ANKHD1: variants seen among roughly 807,000 people sequenced by gnomAD.
The protein encoded by ANKHD1 is ankyrin repeat and KH domain containing 1, also known as ankyrin repeat and KH domain-containing protein 1.
Under a neutral mutation model 230.5 loss-of-function variants are expected in ANKHD1, and 31 were observed. That is an observed-to-expected ratio of 0.13 (90% confidence interval 0.10 to 0.18). ANKHD1 has a LOEUF of 0.18. Among genes scored for constraint, ANKHD1 ranks in the 10% least tolerant of loss-of-function variants. ANKHD1 has a pLI of 1.00. For missense variants in ANKHD1, 2,256 were observed against 3,071.3 expected (o/e 0.73, Z 6.27); for synonymous variants, 1,074 against 1,117.6 (o/e 0.96, Z 0.78).
intron 1 of ANKHD1, among the ~76,000 whole-genome samples, chr5:140,415,272 A>G (rs1477494615): frequency 2.6e-5 from 4 of 151,354 alleles, no homozygotes; most frequent in Admixed American, 1.3e-4. Flanking sequence ...AATCCCAGCT[A>G]CTCAGGAGGC....
intron 1 of ANKHD1, among the ~76,000 whole-genome samples, chr5:140,430,845 C>T (rs772501925): frequency 9.9e-5 from 15 of 151,684 alleles, no homozygotes; most frequent in Admixed American, 2.6e-4. Context: ...AATTATTTTT[C>T]GTAGAGACAA....
chr5:140,402,140 G>A lies in ANKHD1; in HGVS notation c.173G>A (p.Ser58Asn). The A allele has an allele frequency of 6.5e-7, 1 of 1,543,654 alleles. No homozygotes were observed. The highest frequency in any genetic ancestry group is 1.2e-5 in the South Asian group (1 of 82,926). ...GEAGPASGVG[S>N]SGGGGSGSGT... ...GCCGGGCCAGCGTCGGGAGTCGGCA[G>A]CAGCGGCGGCGGCGGCAGCGGCAGC... Residue 58 changes from serine (S) to asparagine (N), a missense_variant, in exon 1 of 34, where the codon AGC becomes AAC. Around this residue, in one of 13 missense-constraint regions of ANKHD1, gnomAD observed 193 missense variants for 185.8 expected, o/e 1.04. Transcript: ENST00000360839.
chr5:140,448,888 T>C (rs1046558518), intron 6 of ANKHD1, among the ~76,000 whole-genome samples: 1 of 152,218 alleles, frequency 6.6e-6, no homozygotes, highest in Non-Finnish European at 1.5e-5. Context: ...GATACTTTAC[T>C]TGGCTTTCTA....
At chr5:140,525,432 T>C (rs1753558127) in intron 25 of ANKHD1, among the ~76,000 whole-genome samples, 1 of 152,044 alleles carries the variant, frequency 6.6e-6, no homozygotes, top group Admixed American at 6.5e-5. Context: ...CCAGCTAATT[T>C]TTGTATTTTT....
At chr5:140,477,513 T>C (rs1162847814) in intron 10 of ANKHD1, among the ~76,000 whole-genome samples, 1 of 152,248 alleles carries the variant, frequency 6.6e-6, no homozygotes, top group Non-Finnish European at 1.5e-5. Flanking sequence ...TCCTGAATCT[T>C]CATCACATGG....
intron 32 of ANKHD1, 21 bp downstream of exon 32, chr5:140,538,282 G>A (rs771347000): frequency 5.0e-6 from 8 of 1,610,418 alleles, no homozygotes; most frequent in Non-Finnish European, 6.8e-6. Context: ...AAACATCACT[G>A]TAACTTGATT....
At chr5:140,470,956 G>T (rs942235376) in intron 10 of ANKHD1, among the ~76,000 whole-genome samples, 1 of 151,946 alleles carries the variant, frequency 6.6e-6, no homozygotes, top group South Asian at 2.1e-4. Context: ...GGTTTTCATG[G>T]CTTCACTGTT....
In ANKHD1 at chr5:140,459,367, T is replaced by C; in HGVS notation, c.1672+12T>C. The C allele has an allele frequency of 3.2e-6, 5 of 1,538,680 alleles. No individual in the cohort carries two copies. Among genetic ancestry groups the C allele is most frequent in the Non-Finnish European group, 3.5e-6 (4 of 1,135,556 alleles). On this transcript the variant is annotated intron_variant, in intron 9 of 33. Transcript: ENST00000360839. ...TTTGCTGGCTTCTGGTATGTGGCTT[T>C]AAGATGCCTTATTGCTCAGAAAGAC... is the stretch of plus-strand genomic sequence containing the variant.
chr5:140,422,169 C>T (rs1437993831), intron 1 of ANKHD1, among the ~76,000 whole-genome samples: 1 of 152,182 alleles, frequency 6.6e-6, no homozygotes, highest in Admixed American at 6.5e-5. Flanking sequence ...GTCGCCCAGG[C>T]TGGAGTGCAG....
chr5:140,434,479 C>T (rs569034515), intron 1 of ANKHD1, among the ~76,000 whole-genome samples: 15 of 149,356 alleles, frequency 1.0e-4, no homozygotes, highest in African/African-American at 2.0e-4. Context: ...TATGTATATA[C>T]GTATATATGT....
chr5:140,520,151 T>C (rs967765626), intron 24 of ANKHD1, among the ~76,000 whole-genome samples: 7 of 151,966 alleles, frequency 4.6e-5, no homozygotes, highest in African/African-American at 1.7e-4. Flanking sequence ...AAGAAGACAT[T>C]TATGCAGCCA....
chr5:140,500,665 A>AAAAAAAAAAAAAAAAAAAAAG (rs748025095), intron 15 of ANKHD1, among the ~76,000 whole-genome samples: 1 of 115,494 alleles, frequency 8.7e-6, no homozygotes, highest in African/African-American at 3.1e-5. Flanking sequence ...AAAAAAAAAA[A>AAAAAAAAAAAAAAAAAAAAAG]AAAAGAAAAG....
intron 24 of ANKHD1, among the ~76,000 whole-genome samples, chr5:140,514,768 C>T (rs1048339390): frequency 2.6e-5 from 4 of 151,578 alleles, no homozygotes; most frequent in African/African-American, 7.3e-5. Context: ...CTCAGGAGTT[C>T]GAGACCAGGC....
chr5:140,526,456 G>T lies in ANKHD1; in HGVS notation c.4940+13G>T. The T allele has an allele frequency of 1.3e-6, 2 of 1,594,330 alleles. No individual in the cohort carries two copies. The highest frequency in any genetic ancestry group is 2.3e-5 in the South Asian group (2 of 87,648). On this transcript the variant is annotated intron_variant, in intron 26 of 33. Transcript: ENST00000360839. ...AAACTCAGACACGGTAAATTTTTCT[G>T]ATTTGTTAACTCTACCTGCACCTTT... is the stretch of plus-strand genomic sequence containing the variant.
At chr5:140,450,538 C>T (rs1290252592) in intron 7 of ANKHD1, among the ~76,000 whole-genome samples, 5 of 151,688 alleles carry the variant, frequency 3.3e-5, no homozygotes, top group Non-Finnish European at 7.4e-5. Flanking sequence ...TGGTCTCTCT[C>T]TCTCTCTCTC....
At chr5:140,509,597 A>G (rs767131840) in intron 20 of ANKHD1, 40 bp from the exon 21 acceptor site, 3 of 1,467,214 alleles carry the variant, frequency 2.0e-6, no homozygotes, top group East Asian at 4.9e-5. Flanking sequence ...AGTTAAAAAA[A>G]GAAATGTAAC....
chr5:140,405,835 G>T (rs980711967), intron 1 of ANKHD1, among the ~76,000 whole-genome samples: 2 of 152,066 alleles, frequency 1.3e-5, no homozygotes, highest in African/African-American at 2.4e-5. Flanking sequence ...GTTTTGTCAC[G>T]TTGGCCAGGC....
At chr5:140,502,908 G>A (rs1183483917) in intron 15 of ANKHD1, among the ~76,000 whole-genome samples, 1 of 152,044 alleles carries the variant, frequency 6.6e-6, no homozygotes, top group Admixed American at 6.5e-5. Context: ...GTTAAATTAT[G>A]TTATTTATGT....
Position 140,527,128 on chromosome 5 carries a change from G to A in ANKHD1, c.5087+54G>A. The A allele has an allele frequency of 6.5e-7, 1 of 1,538,038 alleles. No homozygotes were observed. Among genetic ancestry groups the A allele is most frequent in the Non-Finnish European group, 8.8e-7 (1 of 1,141,514 alleles). On this transcript the variant is annotated intron_variant, in intron 27 of 33. Transcript: ENST00000360839. This position sits in a 1 kb window ranked among gnomAD's most constrained non-coding sequence, Gnocchi z 4.5. ...CTTTCATATATTTTCCCTTTCTCATGTGAGATGGCTACCTAGTTAATTAAT... is the reference window on the plus strand; with the variant it reads ...CTTTCATATATTTTCCCTTTCTCATATGAGATGGCTACCTAGTTAATTAAT...
Sources: gnomAD v4.1 joint callset for allele counts (sites outside exome capture counted in the v4.1 genomes callset) on GRCh38, gnomAD v4.1.1 for gene constraint, gnomAD v4.1.1 regional missense constraint, Gnocchi (gnomAD v3.1) non-coding constraint, MANE v1.5 for transcripts, NCBI Gene and HGNC (gene_info 2026-07-23, HGNC 2026-07-21) for gene names.